Variants in SNX24 observed in about 807,000 individuals in gnomAD.
The protein encoded by SNX24 is sorting nexin 24.
SNX24 carries 22 observed loss-of-function variants against 28.7 expected under a neutral mutation model. The observed-to-expected ratio is 0.77, with a 90% CI of 0.55 to 1.10. The LOEUF is 1.10. Ranked by LOEUF, SNX24 falls within the 50% of genes least tolerant of loss-of-function variation. SNX24 has a pLI of 0.00. For missense variants in SNX24, 221 were observed against 201.1 expected, an observed-to-expected ratio of 1.10 and a Z score of -0.60; for synonymous variants, 69 against 71.5, an observed-to-expected ratio of 0.96 and a Z score of 0.18.
At chr5:123,020,027 G>T (rs1196391734) in intron 5 of SNX24, among the ~76,000 whole-genome samples, 3 of 152,194 alleles carry the variant, frequency 2.0e-5, no homozygotes, top group Non-Finnish European at 4.4e-5. Context: ...CCAAAATGAA[G>T]CACTTTTTGC....
chr5:122,904,759 G>A (rs1311817318), intron 1 of SNX24, among the ~76,000 whole-genome samples: 1 of 152,146 alleles, frequency 6.6e-6, no homozygotes, highest in Non-Finnish European at 1.5e-5. Context: ...AACTAAGAAA[G>A]CTAAACGTTT....
At chr5:122,976,689 C>T (rs1761179895) in intron 3 of SNX24, among the ~76,000 whole-genome samples, 2 of 152,202 alleles carry the variant, frequency 1.3e-5, no homozygotes, top group African/African-American at 4.8e-5. Flanking sequence ...AGAGAAGCCA[C>T]GATGAAGTCC....
chr5:123,003,155 G>A (rs975699918), intron 6 of SNX24, among the ~76,000 whole-genome samples: 3 of 152,150 alleles, frequency 2.0e-5, no homozygotes, highest in Non-Finnish European at 4.4e-5. Flanking sequence ...AAGGATACAC[G>A]TACTCACATC....
intron 1 of SNX24, among the ~76,000 whole-genome samples, chr5:122,935,657 G>A (rs1010262272): frequency 1.1e-4 from 17 of 152,170 alleles, no homozygotes; most frequent in African/African-American, 3.9e-4. Flanking sequence ...ATACTTACAT[G>A]TAAGACAGAA....
intron 1 of SNX24, among the ~76,000 whole-genome samples, chr5:122,888,307 C>T (rs1292353756): frequency 2.6e-5 from 4 of 152,106 alleles, no homozygotes; most frequent in Non-Finnish European, 5.9e-5. Context: ...GGTTCCTATC[C>T]GTTAGGGAGG....
At chr5:122,846,110 G>T (rs190834507) in intron 1 of SNX24, among the ~76,000 whole-genome samples, 1 of 148,120 alleles carries the variant, frequency 6.8e-6, no homozygotes, top group African/African-American at 2.5e-5. Context: ...TGGAAAACCT[G>T]TTTTTTTTTT....
intron 1 of SNX24, among the ~76,000 whole-genome samples, chr5:122,846,235 C>T (rs760868384): frequency 4.6e-5 from 7 of 151,912 alleles, no homozygotes; most frequent in Non-Finnish European, 8.8e-5. Flanking sequence ...GGCAAAATTA[C>T]TTGCTGAGCA....
intron 1 of SNX24, among the ~76,000 whole-genome samples, chr5:122,871,816 G>C (rs893819773): frequency 6.6e-6 from 1 of 152,040 alleles, no homozygotes; most frequent in Non-Finnish European, 1.5e-5. Flanking sequence ...CATCCTGCTC[G>C]AGGAAGTTCT....
chr5:123,003,451 T>C (rs1762315979), intron 6 of SNX24, among the ~76,000 whole-genome samples: 1 of 151,688 alleles, frequency 6.6e-6, no homozygotes, highest in African/African-American at 2.4e-5. Context: ...ATAGATTAAA[T>C]AGATAGTTTT....
At chr5:122,916,200 C>T (rs1208999666) in intron 1 of SNX24, among the ~76,000 whole-genome samples, 1 of 152,234 alleles carries the variant, frequency 6.6e-6, no homozygotes, top group African/African-American at 2.4e-5. Flanking sequence ...AGACTTTCCA[C>T]TGTATCTGGT....
Position 122,978,717 on chromosome 5 carries a change from C to T in SNX24, c.250-21195C>T, listed in dbSNP as rs1383462619. Among the ~76,000 whole-genome samples the T allele has an allele frequency of 2.6e-5, 4 of 152,066 alleles. No individual in the cohort carries two copies. The South Asian group carries it at 6.2e-4, about 24-fold the overall frequency. ...CAGCTTGTGGTATGACTGAAAGAAACACAGTGCACAAGAAATTCCCACAGC... is the reference window on the plus strand; with the variant it reads ...CAGCTTGTGGTATGACTGAAAGAAATACAGTGCACAAGAAATTCCCACAGC... On this transcript the variant is annotated intron_variant, in intron 3 of 6. Transcript: ENST00000261369.
At chr5:122,902,338 C>G (rs1053678334) in intron 1 of SNX24, among the ~76,000 whole-genome samples, 7 of 152,164 alleles carry the variant, frequency 4.6e-5, no homozygotes, top group African/African-American at 1.7e-4. Flanking sequence ...GTTCAAGAGG[C>G]TGAAGAAGAG....
intron 1 of SNX24, among the ~76,000 whole-genome samples, chr5:122,907,221 C>G (rs927415928): frequency 3.3e-5 from 5 of 152,078 alleles, no homozygotes; most frequent in Non-Finnish European, 7.4e-5. Context: ...TTTTTATACT[C>G]ACCTATTTAT....
intron 1 of SNX24, among the ~76,000 whole-genome samples, chr5:122,896,230 C>T (rs909163486): frequency 1.3e-5 from 2 of 152,200 alleles, no homozygotes; most frequent in African/African-American, 4.8e-5. Context: ...GTCTTTGGCA[C>T]ACATGTTGTA....
At chr5:122,995,771 G>T (rs758055472) in intron 3 of SNX24, among the ~76,000 whole-genome samples, 3 of 152,108 alleles carry the variant, frequency 2.0e-5, no homozygotes, top group Non-Finnish European at 4.4e-5. Flanking sequence ...CAGGCCATGT[G>T]TGCCAACTTG....
chr5:122,935,323 AC>A, intron 1 of SNX24, among the ~76,000 whole-genome samples: 1 of 152,092 alleles, frequency 6.6e-6, no homozygotes, highest in South Asian at 2.1e-4. Flanking sequence ...TTCTGGCAAG[AC>A]CTTTGAAGAA....
At chr5:122,855,209 C>T (rs1187770438) in intron 1 of SNX24, among the ~76,000 whole-genome samples, 1 of 151,992 alleles carries the variant, frequency 6.6e-6, no homozygotes, top group Non-Finnish European at 1.5e-5. Flanking sequence ...GTAGCTGGGA[C>T]TACAGGTGCA....
At chr5:122,861,421 G>A (rs1166247870) in intron 1 of SNX24, among the ~76,000 whole-genome samples, 2 of 152,178 alleles carry the variant, frequency 1.3e-5, no homozygotes, top group Non-Finnish European at 2.9e-5. Context: ...GTCTTCAAAA[G>A]GTCATTCCAT....
rs935480170 is a variant in SNX24, at chr5:123,001,948, C to G, written c.386C>G (p.Ser129Cys). ...GTTCTTGACCTTTCCAGCAAACTGTCCCACCAGCCTGTGCTGCTGTTCCTC... is the reference window on the plus strand; with the variant it reads ...GTTCTTGACCTTTCCAGCAAACTGTGCCACCAGCCTGTGCTGCTGTTCCTC... ...ETESEESSKLSHQPVLLFLRD... is the reference protein window; with the variant it reads ...ETESEESSKLCHQPVLLFLRD... Residue 129 changes from serine to cysteine, a missense_variant, in exon 6 of 7, where the codon TCC becomes TGC. By Grantham distance (112) the Ser-to-Cys change is moderately radical. Transcript: ENST00000261369. 6.2e-7 allele frequency: 1 copy of G among 1,613,988 alleles called. No homozygotes were observed. Among genetic ancestry groups the G allele is most frequent in the Non-Finnish European group, 8.5e-7 (1 of 1,179,962 alleles).
Sources: allele counts gnomAD v4.1 joint callset (sites outside exome capture counted in the v4.1 genomes callset), GRCh38; gene constraint gnomAD v4.1.1; transcripts MANE v1.5; gene names NCBI Gene and HGNC (gene_info 2026-07-23, HGNC 2026-07-21).